The following SMC5 variants were observed in gnomAD, a reference collection of about 807,000 sequenced individuals.
The protein encoded by SMC5 is structural maintenance of chromosomes 5, also known as structural maintenance of chromosomes protein 5.
In SMC5, 88 loss-of-function variants were observed where a neutral mutation model predicts 148.3. The observed-to-expected ratio is 0.59, with a 90% CI of 0.50 to 0.71. SMC5 has a LOEUF of 0.71. Ranked by LOEUF, SMC5 falls within the 30% of genes least tolerant of loss-of-function variation. The probability of loss-of-function intolerance (pLI) is 0.00; values close to 1 mark genes in which losing one functional copy is unlikely to be tolerated. For missense variants in SMC5, 1,142 were observed against 1,298.9 expected, an observed-to-expected ratio of 0.88 and a Z score of 1.86; for synonymous variants, 421 against 432.8, an observed-to-expected ratio of 0.97 and a Z score of 0.34.
At chr9:70,309,318 C>CTTTTTTTTTTTTTTTTCTTTTTTTT (rs2035594554) in intron 11 of SMC5, among the ~76,000 whole-genome samples, 1 of 79,180 alleles carries the variant, frequency 1.3e-5, no homozygotes, top group Non-Finnish European at 2.3e-5. Context: ...TTTCCTTTTC[C>CTTTTTTTTTTTTTTTTCTTTTTTTT]TTTTTTTTTT....
intron 15 of SMC5, among the ~76,000 whole-genome samples, chr9:70,319,893 G>A (rs1252621142): frequency 6.6e-6 from 1 of 152,106 alleles, no homozygotes; most frequent in Non-Finnish European, 1.5e-5. Context: ...GTTAAGAATT[G>A]GGAAGCTGTC....
At chr9:70,283,343 A>T (rs771465302) in intron 7 of SMC5, among the ~76,000 whole-genome samples, 1 of 152,084 alleles carries the variant, frequency 6.6e-6, no homozygotes, top group Admixed American at 6.6e-5. Context: ...GTGTGTGCCT[A>T]TAGGTCCCTG....
At chr9:70,348,145 T>G in intron 22 of SMC5, 107 bp downstream of exon 22, 1 of 1,106,746 alleles carries the variant, frequency 9.0e-7, no homozygotes, top group Non-Finnish European at 1.2e-6. Flanking sequence ...CTGTGAAAAG[T>G]TTTGTTTACC....
In SMC5 at chr9:70,318,797, A is replaced by G. The variant is rs1349408695; in HGVS notation, c.1984A>G (p.Ile662Val). The change falls in exon 15 of 25, where the codon ATT (isoleucine) becomes GTT (valine). Residue 662 changes from isoleucine (I) to valine (V), a missense_variant. Transcript: ENST00000361138. Reference protein sequence around the residue: ...RRHLEEQLKEIHRKLQAVDSG... With the variant: ...RRHLEEQLKEVHRKLQAVDSG... ...ACAATTTTTAAATATTTTATAGGAA[A>G]TTCATAGAAAATTGCAAGCAGTGGA... is the stretch of plus-strand genomic sequence containing the variant. 6.4e-7 allele frequency: 1 copy of G among 1,561,126 alleles called. No individual in the cohort carries two copies. The highest frequency in any genetic ancestry group is 1.4e-5 in the African/African-American group (1 of 71,998).
chr9:70,330,564 T>C (rs944176952), intron 17 of SMC5, among the ~76,000 whole-genome samples: 12 of 150,952 alleles, frequency 7.9e-5, no homozygotes, highest in African/African-American at 2.9e-4. Flanking sequence ...TTTTTTTTTT[T>C]TTCAAGACAG....
intron 1 of SMC5, 128 bp from the exon 2 acceptor site, chr9:70,264,176 A>G (rs1447595423): frequency 3.9e-6 from 3 of 766,510 alleles, no homozygotes; most frequent in Non-Finnish European, 3.8e-6. Flanking sequence ...TTAAAAACCT[A>G]TAAAAAAACA....
chr9:70,318,956 C>G lies in SMC5; in HGVS notation c.2143C>G (p.Leu715Val). Residue 715 changes from leucine (L) to valine (V), a missense_variant, in exon 15 of 25, where the codon CTA becomes GTA. By Grantham distance (32) the Leu-to-Val change is conservative (BLOSUM62 1). Coordinates refer to ENST00000361138, the MANE Select transcript of SMC5 (RefSeq NM_015110.4). ...ACTGGAACAAAAAATCAGTTCCAAA[C>G]TAGGAAGGTATCTTTTAGCCTATTC... is the stretch of plus-strand genomic sequence containing the variant. ...RQLEQKISSK[L>V]GSLKLMEQDT... is the part of the protein sequence containing the mutation. 1 of 1,606,328 alleles carries G rather than the reference C, an allele frequency of 6.2e-7. No homozygotes were observed. Among genetic ancestry groups the G allele is most frequent in the East Asian group, 2.2e-5 (1 of 44,736 alleles).
At chr9:70,296,823 T>C (rs571245942) in intron 8 of SMC5, among the ~76,000 whole-genome samples, 2 of 152,214 alleles carry the variant, frequency 1.3e-5, no homozygotes, top group Admixed American at 1.3e-4. Context: ...AAATCTTTAC[T>C]CTGTCTTAGG....
At chr9:70,266,090 A>T (rs2034283678) in intron 2 of SMC5, among the ~76,000 whole-genome samples, 1 of 152,202 alleles carries the variant, frequency 6.6e-6, no homozygotes, top group Non-Finnish European at 1.5e-5. Context: ...TTAATTGTAT[A>T]CTGAGTCATA....
intron 3 of SMC5, among the ~76,000 whole-genome samples, chr9:70,271,825 G>C (rs909376387): frequency 4.6e-5 from 7 of 152,210 alleles, no homozygotes; most frequent in Admixed American, 2.6e-4. Flanking sequence ...CAAATGCTAA[G>C]GCTCTAAAGT....
At position 70,300,053 on chromosome 9, in the gene SMC5, C is replaced by G. The variant is rs754670445; in HGVS notation, c.1317C>G (p.Asp439Glu). Residue 439 changes from aspartate (D) to glutamate (E), a missense_variant, in exon 10 of 25, where the codon GAC becomes GAG. Around this residue, in one of 5 missense-constraint regions of SMC5, gnomAD observed 743 missense variants for 835.7 expected, o/e 0.89. Transcript: ENST00000361138. ...TTTGTTTTACAATTTTAGGTGTGGA[C>G]GATCATATTGTACGTTTTGACAATC... is the stretch of plus-strand genomic sequence containing the variant. ...ETLEKEKKSV[D>E]DHIVRFDNLM... 1.3e-6 allele frequency: 2 copies of G among 1,565,690 alleles called. No homozygotes were observed. The highest frequency in any genetic ancestry group is 2.4e-5 in the South Asian group (2 of 82,888).
intron 11 of SMC5, among the ~76,000 whole-genome samples, chr9:70,308,453 C>T (rs1156500434): frequency 6.6e-6 from 1 of 151,570 alleles, no homozygotes; most frequent in Non-Finnish European, 1.5e-5. Context: ...ATTAGCCGGG[C>T]GTGGTGGCAG....
intron 12 of SMC5, 97 bp from the exon 13 acceptor site, chr9:70,315,349 G>A (rs113921028): frequency 7.1e-6 from 5 of 703,736 alleles, no homozygotes; most frequent in Non-Finnish European, 2.2e-6. Context: ...TTGAAATAAT[G>A]TATGTTTTAC....
At chr9:70,269,462 C>T (rs2034385787) in intron 3 of SMC5, among the ~76,000 whole-genome samples, 1 of 151,982 alleles carries the variant, frequency 6.6e-6, no homozygotes, top group South Asian at 2.1e-4. Flanking sequence ...CACCTGTAGT[C>T]CTAGCTACTT....
At chr9:70,342,235 G>A (rs979155188) in intron 17 of SMC5, among the ~76,000 whole-genome samples, 10 of 120,488 alleles carry the variant, frequency 8.3e-5, no homozygotes, top group Admixed American at 3.1e-4. Flanking sequence ...TCTGGGGACT[G>A]TTGTGGGGTG....
At chr9:70,273,456 GAACT>G (rs1471339750) in intron 3 of SMC5, among the ~76,000 whole-genome samples, 1 of 151,446 alleles carries the variant, frequency 6.6e-6, no homozygotes, top group African/African-American at 2.4e-5. Context: ...TTTTTTCAAT[GAACT>G]AACTTTTGCA....
intron 12 of SMC5, among the ~76,000 whole-genome samples, chr9:70,315,216 CATAAT>C (rs1357859885): frequency 6.6e-6 from 1 of 151,456 alleles, no homozygotes; most frequent in Non-Finnish European, 1.5e-5. Context: ...GCATTCTAAA[CATAAT>C]AGAAGAAATT....
intron 17 of SMC5, among the ~76,000 whole-genome samples, chr9:70,333,497 G>A (rs571659013): frequency 2.0e-5 from 3 of 152,022 alleles, no homozygotes; most frequent in South Asian, 2.1e-4. Context: ...TTGGGAGGCC[G>A]AGGTGGCCAG....
At chr9:70,297,395 C>G (rs555578056) in intron 8 of SMC5, among the ~76,000 whole-genome samples, 1 of 152,272 alleles carries the variant, frequency 6.6e-6, no homozygotes, top group East Asian at 1.9e-4. Context: ...TACTTACTCA[C>G]ACATAAATAC....
Sources: gnomAD v4.1 joint callset for allele counts (sites outside exome capture counted in the v4.1 genomes callset) on GRCh38, gnomAD v4.1.1 for gene constraint, gnomAD v4.1.1 regional missense constraint, MANE v1.5 for transcripts, NCBI Gene and HGNC (gene_info 2026-07-23, HGNC 2026-07-21) for gene names.